Variants in METTL15 observed in about 807,000 individuals in gnomAD.
METTL15 encodes the protein methyltransferase 15, mitochondrial 12S rRNA N4-cytidine.
In METTL15, 34 loss-of-function variants were observed where a neutral mutation model predicts 38.3. The ratio of observed to expected loss-of-function variants is 0.89; its 90% CI spans 0.68 to 1.18. The LOEUF is 1.18. Ranked by LOEUF, METTL15 falls within the 50% of genes most tolerant of loss-of-function variation. The pLI, the probability that METTL15 is intolerant of heterozygous loss-of-function variation, is 0.00. For missense variants in METTL15, 438 were observed against 498.4 expected (o/e 0.88, Z 1.15); for synonymous variants, 162 against 170.9 (o/e 0.95, Z 0.41).
chr11:28,375,893 CA>C (rs1275505497), intron 5 of METTL15, among the ~76,000 whole-genome samples: 4 of 151,880 alleles, frequency 2.6e-5, no homozygotes, highest in African/African-American at 9.7e-5. Context: ...TTTCAAAGAA[CA>C]TCTTTATTTC....
intron 6 of METTL15, among the ~76,000 whole-genome samples, chr11:28,465,512 T>C (rs1347227616): frequency 1.3e-5 from 2 of 152,198 alleles, no homozygotes; most frequent in African/African-American, 4.8e-5. Context: ...CTTCGATAAC[T>C]TAGAAGCCTC....
chr11:28,385,351 T>C (rs1850429131), intron 5 of METTL15, among the ~76,000 whole-genome samples: 3 of 152,200 alleles, frequency 2.0e-5, no homozygotes. Context: ...GTTTCAACCT[T>C]CTGCATATGG....
At chr11:28,380,845 T>C (rs1010659162) in intron 5 of METTL15, among the ~76,000 whole-genome samples, 73 of 152,316 alleles carry the variant, frequency 4.8e-4, no homozygotes, top group Middle Eastern at 3.4e-3. Context: ...AGAGTTTTTT[T>C]TTTTTCATTT....
intron 6 of METTL15, among the ~76,000 whole-genome samples, chr11:28,427,265 G>A (rs745600507): frequency 3.3e-5 from 5 of 151,932 alleles, no homozygotes; most frequent in Admixed American, 6.6e-5. Context: ...CTTATTTCTG[G>A]GTTCTCTATT....
chr11:28,335,016 G>A (rs1481992894), downstream of METTL15, among the ~76,000 whole-genome samples: 4 of 152,130 alleles, frequency 2.6e-5, no homozygotes, highest in Admixed American at 6.6e-5. Context: ...ACTATTAGCT[G>A]TTGTCCTATT....
chr11:28,362,694 T>G (rs1334491860), intron 5 of METTL15, among the ~76,000 whole-genome samples: 3 of 152,182 alleles, frequency 2.0e-5, no homozygotes, highest in Non-Finnish European at 4.4e-5. Context: ...ACAAGGGGCA[T>G]GATTTTGTTC....
chr11:28,179,661 A>G (rs780988531), intron 3 of METTL15, among the ~76,000 whole-genome samples: 30 of 151,710 alleles, frequency 2.0e-4, no homozygotes, highest in Admixed American at 1.1e-3. Context: ...TTATTTGTCC[A>G]TTCTCCTGTT....
chr11:28,269,628 A>T (rs1855564736), intron 4 of METTL15, among the ~76,000 whole-genome samples: 1 of 152,150 alleles, frequency 6.6e-6, no homozygotes, highest in African/African-American at 2.4e-5. Flanking sequence ...TATTATTTTA[A>T]AAGGGCCTCT....
intron 3 of METTL15, among the ~76,000 whole-genome samples, chr11:28,207,499 G>T (rs535329420): frequency 6.6e-6 from 1 of 152,114 alleles, no homozygotes; most frequent in Admixed American, 6.6e-5. Context: ...TGTGCTGCTG[G>T]ATTGGGCTTG....
chr11:28,413,625 A>C (rs1264401299), intron 5 of METTL15, among the ~76,000 whole-genome samples: 2 of 152,134 alleles, frequency 1.3e-5, no homozygotes, highest in African/African-American at 4.8e-5. Context: ...TTTTCATGGA[A>C]GAGAAAGGGT....
At chr11:28,517,095 G>C (rs1003717995) in intron 6 of METTL15, 1 of 152,270 alleles carries the variant, frequency 6.6e-6, no homozygotes, top group Admixed American at 6.5e-5. Flanking sequence ...ACAGACTCAG[G>C]GCATTCAGAA....
chr11:28,484,750 C>T (rs528950562), intron 6 of METTL15, among the ~76,000 whole-genome samples: 3 of 152,166 alleles, frequency 2.0e-5, no homozygotes, highest in South Asian at 4.2e-4. Flanking sequence ...ATTGGGAATG[C>T]GATCGTTTTG....
intron 6 of METTL15, among the ~76,000 whole-genome samples, chr11:28,490,316 T>C (rs1372461530): frequency 6.6e-6 from 1 of 152,162 alleles, no homozygotes. Context: ...ATGATCATGA[T>C]AGCTAAATGT....
intron 5 of METTL15, among the ~76,000 whole-genome samples, chr11:28,392,966 A>G (rs1850527515): frequency 6.6e-6 from 1 of 152,034 alleles, no homozygotes; most frequent in Non-Finnish European, 1.5e-5. Context: ...TCACCTCACA[A>G]TCATTAGAAT....
chr11:28,127,038 A>G (rs1852517234), intron 3 of METTL15, among the ~76,000 whole-genome samples: 2 of 152,108 alleles, frequency 1.3e-5, no homozygotes, highest in Admixed American at 1.3e-4. Context: ...TAAGAATGAA[A>G]GATTGTAAGC....
intron 5 of METTL15, among the ~76,000 whole-genome samples, chr11:28,362,564 A>G (rs896649046): frequency 8.5e-5 from 13 of 152,162 alleles, no homozygotes; most frequent in African/African-American, 3.1e-4. Flanking sequence ...TTTAGCTCCC[A>G]CTTATAAGTG....
intron 3 of METTL15, chr11:28,163,355 T>C (rs1565134424): frequency 5.0e-6 from 2 of 398,178 alleles, no homozygotes; most frequent in Non-Finnish European, 8.9e-6. Context: ...ATGGTCTTTT[T>C]CCCATGTGCT....
At chr11:28,166,511 C>T (rs966268987) in intron 3 of METTL15, among the ~76,000 whole-genome samples, 1 of 152,186 alleles carries the variant, frequency 6.6e-6, no homozygotes. Context: ...TTATCATCCT[C>T]ATTTTTGATA....
intron 4 of METTL15, among the ~76,000 whole-genome samples, chr11:28,221,961 C>T (rs950480756): frequency 6.6e-6 from 1 of 152,196 alleles, no homozygotes; most frequent in African/African-American, 2.4e-5. Context: ...TAGTCTGCCT[C>T]TACTGGGGGA....
Sources: gnomAD v4.1 joint callset for allele counts (sites outside exome capture counted in the v4.1 genomes callset) on GRCh38, gnomAD v4.1.1 for gene constraint, MANE v1.5 for transcripts, NCBI Gene and HGNC (gene_info 2026-07-23, HGNC 2026-07-21) for gene names.